MREG: variants seen among roughly 807,000 people sequenced by gnomAD.
MREG encodes dilute suppressor protein homolog.
A neutral mutation model predicts 28.5 loss-of-function variants in MREG; 31 were observed. The observed-to-expected ratio is 1.09, with a 90% CI of 0.82 to 1.47. The LOEUF (loss-of-function observed/expected upper bound fraction) is 1.47, where lower values mean the gene tolerates loss of function less well. Ranked by LOEUF, MREG falls within the 40% of genes most tolerant of loss-of-function variation. The pLI is 0.00. For synonymous variants in MREG, 106 were observed against 95.2 expected, an observed-to-expected ratio of 1.11 and a Z score of -0.66; for missense variants, 256 against 257.4, an observed-to-expected ratio of 0.99 and a Z score of 0.04.
At chr2:215,945,481 TG>T in intron 4 of MREG, 89 bp downstream of exon 4, 1 of 1,444,534 alleles carries the variant, frequency 6.9e-7, no homozygotes, top group Non-Finnish European at 9.4e-7. Flanking sequence ...ATAGTGATGG[TG>T]GTGTTGGAAT....
intron 2 of MREG, among the ~76,000 whole-genome samples, chr2:215,953,634 T>C (rs950619265): frequency 6.6e-6 from 1 of 152,178 alleles, no homozygotes; most frequent in Non-Finnish European, 1.5e-5. Context: ...GATTAAGCAA[T>C]AAGTAACAGA....
chr2:215,941,976 G>A (rs1367803541), downstream of MREG, among the ~76,000 whole-genome samples: 1 of 152,206 alleles, frequency 6.6e-6, no homozygotes, highest in African/African-American at 2.4e-5. Flanking sequence ...AACTGCCACT[G>A]AGCTTCTCAG....
intron 2 of MREG, among the ~76,000 whole-genome samples, chr2:215,976,062 C>T (rs1201615675): frequency 1.3e-5 from 2 of 151,236 alleles, no homozygotes; most frequent in African/African-American, 2.4e-5. Context: ...GAGCCAAGAT[C>T]GCACCACTGC....
At chr2:215,981,442 G>T (rs1034620934) in intron 2 of MREG, among the ~76,000 whole-genome samples, 6 of 151,422 alleles carry the variant, frequency 4.0e-5, no homozygotes, top group Non-Finnish European at 8.8e-5. Flanking sequence ...CTTACAGTAC[G>T]TACCTAAAGT....
rs1176919586 is a variant in MREG at position 216,004,471 on chromosome 2, G to T, written c.96-8006C>A. Among the ~76,000 whole-genome samples the T allele has an allele frequency of 5.3e-5, 8 of 151,814 alleles. No individual in the cohort carries two copies. In the East Asian group the frequency reaches 1.5e-3, roughly 29 times the overall value. ...TAACAGGAGAATCACTTGAACCCGG[G>T]AGGCGGAGGTTGCAGTGAGCAGAGA... On this transcript the variant is annotated intron_variant, in intron 1 of 4. Transcript: ENST00000263268.
At chr2:215,955,966 T>G (rs1692617190) in intron 2 of MREG, among the ~76,000 whole-genome samples, 1 of 152,176 alleles carries the variant, frequency 6.6e-6, no homozygotes, top group African/African-American at 2.4e-5. Flanking sequence ...GGGCTCAATT[T>G]TGGAGCTGAT....
chr2:216,027,289 C>G (rs1175903028), intron 1 of MREG, among the ~76,000 whole-genome samples: 1 of 152,226 alleles, frequency 6.6e-6, no homozygotes, highest in Non-Finnish European at 1.5e-5. Flanking sequence ...GTGAATTGAA[C>G]TATCTTTAAA....
At chr2:215,991,628 T>G (rs1232914969) in intron 2 of MREG, among the ~76,000 whole-genome samples, 2 of 149,968 alleles carry the variant, frequency 1.3e-5, no homozygotes, top group Non-Finnish European at 3.0e-5. Flanking sequence ...TTGAAAAGAT[T>G]AACAAAACAG....
chr2:215,974,850 ACAC>A (rs1693203430), intron 2 of MREG, among the ~76,000 whole-genome samples: 1 of 132,960 alleles, frequency 7.5e-6, no homozygotes, highest in African/African-American at 2.8e-5. Context: ...ACACACACAC[ACAC>A]TCTCTCTCTC....
intron 2 of MREG, among the ~76,000 whole-genome samples, chr2:215,979,992 A>C (rs1010086806): frequency 7.3e-6 from 1 of 136,842 alleles, no homozygotes; most frequent in African/African-American, 3.2e-5. Flanking sequence ...AAAAAAAAAC[A>C]AAAAAAACTA....
At chr2:216,027,033 T>G (rs1322445343) in intron 1 of MREG, among the ~76,000 whole-genome samples, 1 of 152,244 alleles carries the variant, frequency 6.6e-6, no homozygotes, top group African/African-American at 2.4e-5. Flanking sequence ...TGAAGTGTTA[T>G]GATCATATAC....
intron 2 of MREG, among the ~76,000 whole-genome samples, chr2:215,981,479 G>A (rs1693427412): frequency 6.6e-6 from 1 of 152,190 alleles, no homozygotes; most frequent in Non-Finnish European, 1.5e-5. Flanking sequence ...AAAGAAAGTA[G>A]AAAGTTGCCA....
intron 1 of MREG, among the ~76,000 whole-genome samples, chr2:216,031,227 T>C (rs1419498431): frequency 1.3e-5 from 2 of 151,644 alleles, no homozygotes; most frequent in Admixed American, 1.3e-4. Flanking sequence ...GCCAACACGG[T>C]GAAACCTCAT....
intron 1 of MREG, among the ~76,000 whole-genome samples, chr2:216,019,128 C>T (rs1285848448): frequency 1.3e-5 from 2 of 152,202 alleles, no homozygotes; most frequent in Non-Finnish European, 2.9e-5. Context: ...ATTATTCTAG[C>T]TCTTTAGTAC....
intron 2 of MREG, among the ~76,000 whole-genome samples, chr2:215,995,509 A>ACCCCCCCCCCCCCCCC (rs1212242370): frequency 1.1e-5 from 1 of 95,140 alleles, no homozygotes; most frequent in African/African-American, 3.7e-5. Context: ...CACCCACCCC[A>ACCCCCCCCCCCCCCCC]CCCCCCGCCA....
chr2:215,998,530 A>T (rs1237364991), intron 1 of MREG, among the ~76,000 whole-genome samples: 1 of 152,168 alleles, frequency 6.6e-6, no homozygotes, highest in Non-Finnish European at 1.5e-5. Flanking sequence ...GACTGAACAA[A>T]GTACCTGGCC....
In MREG at chr2:215,999,320, G is replaced by A. The variant is rs142910967; in HGVS notation, c.96-2855C>T. ...TTTAGAGAAATAACTCTGGGTGAAG[G>A]AAGAACAAGAAGATGGCTTAGGAGG... On this transcript the variant is annotated intron_variant, in intron 1 of 4. Coordinates refer to ENST00000263268, the MANE Select transcript of MREG (RefSeq NM_018000.3). Among the ~76,000 whole-genome samples, 1,031 of 152,328 alleles carry A rather than the reference G, an allele frequency of 6.8e-3. 8 individuals are homozygous for A. Among genetic ancestry groups the A allele is most frequent in the African/African-American group, 0.023 (966 of 41,564 alleles).
chr2:216,011,167 T>A (rs1294370370), intron 1 of MREG, among the ~76,000 whole-genome samples: 1 of 151,494 alleles, frequency 6.6e-6, no homozygotes, highest in Non-Finnish European at 1.5e-5. Context: ...CTGAATTGCA[T>A]ACTTTAAAAA....
rs1369763702 is a variant in MREG, at chr2:215,993,258, G to C, written c.255+3048C>G. 2.6e-5 allele frequency among the ~76,000 whole-genome samples: 4 copies of C among 152,182 alleles called. No homozygotes were observed. The East Asian group carries it at 7.7e-4, about 29-fold the overall frequency. On this transcript the variant is annotated intron_variant, in intron 2 of 4. Coordinates refer to ENST00000263268, the MANE Select transcript of MREG (RefSeq NM_018000.3). ...ATAGAACAGAACAGAGGCCTCAGAA[G>C]TAACGCCACACATCTAAAACCATCT...
Sources: allele counts gnomAD v4.1 joint callset (sites outside exome capture counted in the v4.1 genomes callset), GRCh38; gene constraint gnomAD v4.1.1; transcripts MANE v1.5; gene names NCBI Gene and HGNC (gene_info 2026-07-23, HGNC 2026-07-21).